The following FAM107B variants were observed in gnomAD, a reference collection of about 807,000 sequenced individuals.
The protein encoded by FAM107B is protein FAM107B.
In FAM107B, 21 loss-of-function variants were observed where a neutral mutation model predicts 31.5. That is an observed-to-expected ratio of 0.67 (90% CI 0.47 to 0.96). The LOEUF (loss-of-function observed/expected upper bound fraction) is 0.96, where lower values mean the gene tolerates loss of function less well. Among genes scored for constraint, FAM107B ranks in the 40% least tolerant of loss-of-function variants. The probability of loss-of-function intolerance (pLI) is 0.00; values close to 1 mark genes in which losing one functional copy is unlikely to be tolerated. For synonymous variants in FAM107B, 157 were observed against 141.5 expected (o/e 1.11, Z -0.78); for missense variants, 452 against 377.1 (o/e 1.20, Z -1.64).
At chr10:14,767,024 G>GTGTATATATATATATATA (rs1219301209) in intron 1 of FAM107B, among the ~76,000 whole-genome samples, 1 of 16,240 alleles carries the variant, frequency 6.2e-5, no homozygotes, top group Non-Finnish European at 2.3e-4. Context: ...TGATGTGTAT[G>GTGTATATATATATATATA]TATATATATA....
chr10:14,592,555 A>G (rs10796207), intron 2 of FAM107B, among the ~76,000 whole-genome samples: 146,009 of 152,270 alleles, frequency 0.96, 70,309 homozygotes, highest in East Asian at 1. Context: ...GGGGTTTTGT[A>G]GTTTGGCTTT....
At chr10:14,562,575 G>C (rs1053939306) in intron 2 of FAM107B, among the ~76,000 whole-genome samples, 10 of 152,196 alleles carry the variant, frequency 6.6e-5, no homozygotes, top group African/African-American at 2.4e-4. Flanking sequence ...CAGGAAAACA[G>C]ATGATCATCA....
At chr10:14,582,063 T>C (rs1564585489) in intron 2 of FAM107B, among the ~76,000 whole-genome samples, 1 of 152,198 alleles carries the variant, frequency 6.6e-6, no homozygotes, top group African/African-American at 2.4e-5. Context: ...TGACAAAAGT[T>C]GACACTCCCA....
intron 1 of FAM107B, among the ~76,000 whole-genome samples, chr10:14,713,799 G>A (rs2609822): frequency 0.62 from 94,186 of 152,054 alleles, 29,927 homozygotes; most frequent in African/African-American, 0.77. Flanking sequence ...TCAAGAGTAG[G>A]CTGGATTAGG....
At chr10:14,551,906 T>C (rs1034914044) in intron 2 of FAM107B, among the ~76,000 whole-genome samples, 1 of 152,200 alleles carries the variant, frequency 6.6e-6, no homozygotes, top group African/African-American at 2.4e-5. Flanking sequence ...CCTGTGACAC[T>C]AGCTTTTCAT....
chr10:14,533,622 C>T (rs1367667817), intron 2 of FAM107B, among the ~76,000 whole-genome samples: 2 of 152,174 alleles, frequency 1.3e-5, no homozygotes, highest in African/African-American at 2.4e-5. Flanking sequence ...TCCTCTGTCC[C>T]GCACTCCCAC....
chr10:14,573,359 G>C (rs7067734), intron 2 of FAM107B, among the ~76,000 whole-genome samples: 2 of 151,834 alleles, frequency 1.3e-5, no homozygotes, highest in Non-Finnish European at 2.9e-5. Context: ...TTCCACCATG[G>C]GATGATGCAG....
At chr10:14,713,677 T>C (rs1171690092) in intron 1 of FAM107B, among the ~76,000 whole-genome samples, 1 of 152,114 alleles carries the variant, frequency 6.6e-6, no homozygotes, top group Non-Finnish European at 1.5e-5. Flanking sequence ...TAATTTGATG[T>C]CATTTGAAAC....
intron 2 of FAM107B, among the ~76,000 whole-genome samples, chr10:14,599,153 C>G (rs777982372): frequency 2.1e-4 from 32 of 152,248 alleles, no homozygotes; most frequent in Middle Eastern, 6.8e-3. Flanking sequence ...CAGTCTGCAA[C>G]CTGCATTTTT....
intron 1 of FAM107B, among the ~76,000 whole-genome samples, chr10:14,690,799 C>T (rs1303492536): frequency 1.3e-5 from 2 of 152,008 alleles, no homozygotes; most frequent in East Asian, 3.9e-4. Context: ...AATTTGAGGG[C>T]CATCTGTTTC....
At chr10:14,678,014 C>T (rs185095971) in intron 1 of FAM107B, among the ~76,000 whole-genome samples, 80 of 152,306 alleles carry the variant, frequency 5.3e-4, no homozygotes, top group African/African-American at 1.9e-3. Flanking sequence ...ACTATCATCC[C>T]CATTTTACAG....
At chr10:14,651,403 C>T (rs1853894707) in intron 2 of FAM107B, among the ~76,000 whole-genome samples, 1 of 152,116 alleles carries the variant, frequency 6.6e-6, no homozygotes, top group Non-Finnish European at 1.5e-5. Flanking sequence ...GTCGGGAGTT[C>T]GAGGCCAGCC....
chr10:14,597,272 C>A (rs1329793579), intron 2 of FAM107B, among the ~76,000 whole-genome samples: 1 of 152,162 alleles, frequency 6.6e-6, no homozygotes, highest in African/African-American at 2.4e-5. Flanking sequence ...ATTTATACTG[C>A]AAGATTTCAT....
rs1034373169 is a variant in FAM107B, at chr10:14,774,582, G to C, written c.82C>G (p.Leu28Val). 1.9e-6 allele frequency: 3 copies of C among 1,614,218 alleles called. No individual in the cohort carries two copies. Among genetic ancestry groups the C allele is most frequent in the Non-Finnish European group, 2.5e-6 (3 of 1,180,048 alleles). ...SMHPFPCSAL[L>V]ACFGNTRESA... The stretch of plus-strand genomic sequence containing the variant: ...TCCCTCGTATTCCCAAAACAGGCGA[G>C]CAGAGCTGAGCACGGAAATGGATGC... The change falls in exon 1 of 5, where the codon CTC (leucine) becomes GTC (valine). Residue 28 changes from leucine (L) to valine (V), a missense_variant. Leu to Val is a conservative substitution (Grantham distance 32). Transcript: ENST00000181796.
chr10:14,656,417 G>A (rs1269449668), intron 2 of FAM107B, among the ~76,000 whole-genome samples: 1 of 152,196 alleles, frequency 6.6e-6, no homozygotes, highest in African/African-American at 2.4e-5. Flanking sequence ...TCTCTCTTGG[G>A]AGGCTTTGTG....
intron 1 of FAM107B, among the ~76,000 whole-genome samples, chr10:14,682,908 T>G (rs561940701): frequency 1.3e-4 from 20 of 151,266 alleles, no homozygotes; most frequent in African/African-American, 1.9e-4. Flanking sequence ...AAAAGAAAAA[T>G]AAATAAATAA....
intron 2 of FAM107B, among the ~76,000 whole-genome samples, chr10:14,534,026 G>A (rs1847336000): frequency 6.6e-6 from 1 of 152,200 alleles, no homozygotes; most frequent in South Asian, 2.1e-4. Context: ...TTTTCCGTGG[G>A]ACAGTGTGGT....
At chr10:14,724,530 G>A (rs1394739830) in intron 1 of FAM107B, among the ~76,000 whole-genome samples, 1 of 152,156 alleles carries the variant, frequency 6.6e-6, no homozygotes, top group Non-Finnish European at 1.5e-5. Flanking sequence ...AACCCACATG[G>A]TCAAATGGTC....
intron 1 of FAM107B, among the ~76,000 whole-genome samples, chr10:14,728,076 T>C (rs1856077443): frequency 6.6e-6 from 1 of 152,186 alleles, no homozygotes; most frequent in African/African-American, 2.4e-5. Flanking sequence ...TAAGGAAGCC[T>C]CTTGAATAAC....
Sources: gnomAD v4.1 joint callset for allele counts (sites outside exome capture counted in the v4.1 genomes callset) on GRCh38, gnomAD v4.1.1 for gene constraint, MANE v1.5 for transcripts, NCBI Gene and HGNC (gene_info 2026-07-23, HGNC 2026-07-21) for gene names.